The following DENND1A variants were observed in gnomAD, a reference collection of about 807,000 sequenced individuals.
DENND1A encodes DENN domain-containing protein 1A.
DENND1A carries 51 observed loss-of-function variants against 113.7 expected under a neutral mutation model. The observed-to-expected ratio is 0.45, with a 90% CI of 0.36 to 0.57. The LOEUF is 0.57. Among genes scored for constraint, DENND1A ranks in the 20% least tolerant of loss-of-function variants. DENND1A has a pLI of 0.00. For missense variants in DENND1A, 1,258 were observed against 1,395.9 expected (o/e 0.90, Z 1.57); for synonymous variants, 565 against 570.8 (o/e 0.99, Z 0.14).
intron 12 of DENND1A, among the ~76,000 whole-genome samples, chr9:123,558,818 C>T (rs144980181): frequency 3.3e-5 from 5 of 152,324 alleles, no homozygotes; most frequent in Non-Finnish European, 7.3e-5. Flanking sequence ...AATTGTGCGA[C>T]GTGGTGACCT....
intron 13 of DENND1A, among the ~76,000 whole-genome samples, chr9:123,502,663 G>T (rs894107759): frequency 7.4e-4 from 112 of 152,202 alleles, no homozygotes; most frequent in African/African-American, 2.6e-3. Flanking sequence ...TTGTCTTTTT[G>T]ATAGACAAAA....
At chr9:123,850,328 T>A (rs1176354256) in intron 2 of DENND1A, among the ~76,000 whole-genome samples, 1 of 152,202 alleles carries the variant, frequency 6.6e-6, no homozygotes, top group East Asian at 1.9e-4. Flanking sequence ...TTAGACAAGA[T>A]CGTTTGCGAT....
chr9:123,550,174 T>C (rs1041923784), intron 13 of DENND1A, among the ~76,000 whole-genome samples: 4 of 152,226 alleles, frequency 2.6e-5, no homozygotes, highest in African/African-American at 7.2e-5. Context: ...AGGTGGATGA[T>C]ACCAGTGTAC....
In DENND1A at chr9:123,387,770, C is replaced by A. The variant is rs1337657497; in HGVS notation, c.1720G>T (p.Gly574Cys). 1 of 1,289,842 alleles carries A rather than the reference C, an allele frequency of 7.8e-7. No homozygotes were observed. The highest frequency in any genetic ancestry group is 2.3e-5 in the Admixed American group (1 of 43,572). 79.9% of individuals were successfully genotyped at this position (1,289,842 alleles called of 1,614,324 possible). A position where few individuals can be genotyped will look rare whatever the true frequency, so the allele number is the denominator to read the frequency against. Reference sequence around the variant, plus strand: ...GAGAAGAAAAAGCTCTCGGTGAAGCCAGAGCTCGGGCCCTCTTCCCGCTGG... The same window carrying A: ...GAGAAGAAAAAGCTCTCGGTGAAGCAAGAGCTCGGGCCCTCTTCCCGCTGG... ...ECQREEGPSS[G>C]FTESFFFSAP... Residue 574 changes from glycine to cysteine, a missense_variant, in exon 22 of 24, where the codon GGC (glycine) becomes TGC (cysteine). Coordinates refer to ENST00000394215, the MANE Select transcript of DENND1A (RefSeq NM_001352964.2).
intron 12 of DENND1A, among the ~76,000 whole-genome samples, chr9:123,582,537 C>A (rs376025121): frequency 1.3e-5 from 2 of 149,260 alleles, no homozygotes; most frequent in South Asian, 2.1e-4. Flanking sequence ...GTAGCTGGGA[C>A]TACAGGCACA....
intron 13 of DENND1A, among the ~76,000 whole-genome samples, chr9:123,472,147 G>A (rs1245829553): frequency 2.0e-5 from 3 of 152,292 alleles, no homozygotes; most frequent in African/African-American, 7.2e-5. Flanking sequence ...GCTCTTTTGA[G>A]ATGCCCTTTG....
At chr9:123,733,269 C>T (rs1159597019) in intron 5 of DENND1A, among the ~76,000 whole-genome samples, 1 of 150,634 alleles carries the variant, frequency 6.6e-6, no homozygotes, top group Non-Finnish European at 1.5e-5. Context: ...GTGTGAGCCA[C>T]CGCACCCGGC....
Position 123,695,824 on chromosome 9 carries a change from T to C in DENND1A, c.303-19035A>G, listed in dbSNP as rs549801510. 7.2e-4 allele frequency among the ~76,000 whole-genome samples: 109 copies of C among 152,290 alleles called. 1 individual carries two copies. Among genetic ancestry groups the C allele is most frequent in the Non-Finnish European group, 1.2e-3 (82 of 68,030 alleles). Reference sequence around the variant, plus strand: ...TTCTTTCAGCTCTAACAGAGGCAGTTAATAATTCTAAAATTAAGTAGAAAT... The same window carrying C: ...TTCTTTCAGCTCTAACAGAGGCAGTCAATAATTCTAAAATTAAGTAGAAAT... On this transcript the variant is annotated intron_variant, in intron 5 of 23. Transcript: ENST00000394215.
intron 17 of DENND1A, among the ~76,000 whole-genome samples, chr9:123,451,492 A>G (rs1252891440): frequency 1.3e-5 from 2 of 152,240 alleles, no homozygotes; most frequent in Non-Finnish European, 2.9e-5. Context: ...AGTCTTACAA[A>G]TAATGCATTT....
intron 2 of DENND1A, among the ~76,000 whole-genome samples, chr9:123,801,493 G>T (rs1834656934): frequency 6.6e-6 from 1 of 152,128 alleles, no homozygotes. Flanking sequence ...ACATTCCATT[G>T]TATGTAGATA....
intron 1 of DENND1A, among the ~76,000 whole-genome samples, chr9:123,891,038 T>A (rs1213307135): frequency 6.6e-6 from 1 of 152,106 alleles, no homozygotes; most frequent in African/African-American, 2.4e-5. Context: ...GTCTGGCTGT[T>A]GTGTTAGCAC....
chr9:123,548,129 C>A (rs2056822535), intron 13 of DENND1A, among the ~76,000 whole-genome samples: 1 of 152,176 alleles, frequency 6.6e-6, no homozygotes, highest in Non-Finnish European at 1.5e-5. Flanking sequence ...ATTCGGTGGC[C>A]TCCTTAGCCA....
At chr9:123,881,303 T>C (rs1429175813) in intron 1 of DENND1A, among the ~76,000 whole-genome samples, 1 of 152,158 alleles carries the variant, frequency 6.6e-6, no homozygotes, top group African/African-American at 2.4e-5. Flanking sequence ...TTGTGGAAAA[T>C]ACCATATGCA....
chr9:123,747,639 A>G lies in DENND1A; in HGVS notation c.302+10064T>C, dbSNP rs548118963. On this transcript the variant is annotated intron_variant, in intron 5 of 23. Coordinates refer to ENST00000394215, the MANE Select transcript of DENND1A (RefSeq NM_001352964.2). The stretch of plus-strand genomic sequence containing the variant: ...TTTCTCCACAATGTTTAAAAATTCC[A>G]TAAGTTTACGTAAAGTTTTAAGATA... Among the ~76,000 whole-genome samples, 8 of 152,312 alleles carry G rather than the reference A, an allele frequency of 5.3e-5. No individual in the cohort carries two copies. In the South Asian group the frequency reaches 6.2e-4, roughly 12 times the overall value.
intron 11 of DENND1A, among the ~76,000 whole-genome samples, chr9:123,590,937 C>T (rs529715769): frequency 6.6e-6 from 1 of 152,334 alleles, no homozygotes; most frequent in East Asian, 1.9e-4. Flanking sequence ...TCCCCAGGGC[C>T]ACCACCCAGT....
intron 2 of DENND1A, among the ~76,000 whole-genome samples, chr9:123,852,781 C>T (rs1322082380): frequency 6.6e-6 from 1 of 152,146 alleles, no homozygotes; most frequent in Non-Finnish European, 1.5e-5. Context: ...AAAACACCAC[C>T]CTATAAACCT....
Position 123,729,806 on chromosome 9 carries a change from T to C in DENND1A, c.302+27897A>G, listed in dbSNP as rs142802547. Among the ~76,000 whole-genome samples, 593 of 152,174 alleles carry C rather than the reference T, an allele frequency of 3.9e-3. 2 individuals carry two copies. The highest frequency in any genetic ancestry group is 7.2e-3 in the Non-Finnish European group (491 of 68,000). Reference sequence around the variant, plus strand: ...AAAAGAGCCTGCATAGCCAAGACAATCCTAAGCAAAAAGAACAAAGCTGGA... The same window carrying C: ...AAAAGAGCCTGCATAGCCAAGACAACCCTAAGCAAAAAGAACAAAGCTGGA... On this transcript the variant is annotated intron_variant, in intron 5 of 23. Coordinates refer to ENST00000394215, the MANE Select transcript of DENND1A (RefSeq NM_001352964.2).
At chr9:123,904,374 CTT>C (rs1374926784) in intron 1 of DENND1A, among the ~76,000 whole-genome samples, 1 of 151,924 alleles carries the variant, frequency 6.6e-6, no homozygotes, top group Non-Finnish European at 1.5e-5. Flanking sequence ...TGGAGAATGA[CTT>C]TGACAAGCTG....
At chr9:123,461,604 C>T (rs757318477) in intron 13 of DENND1A, among the ~76,000 whole-genome samples, 4 of 152,120 alleles carry the variant, frequency 2.6e-5, no homozygotes, top group Non-Finnish European at 5.9e-5. Context: ...GCTGAGGGCC[C>T]GATACATTCA....
Sources: allele counts gnomAD v4.1 joint callset (sites outside exome capture counted in the v4.1 genomes callset), GRCh38; gene constraint gnomAD v4.1.1; transcripts MANE v1.5; gene names NCBI Gene and HGNC (gene_info 2026-07-23, HGNC 2026-07-21).